Variants in MOB3B observed in about 807,000 individuals in gnomAD.
MOB3B encodes the protein MOB kinase activator 3B, also known as MOB kinase activator-like 2B.
MOB3B carries 7 observed loss-of-function variants against 18.7 expected under a neutral mutation model. The observed-to-expected ratio is 0.37, with a 90% CI of 0.21 to 0.70. MOB3B has a LOEUF of 0.70. Ranked by LOEUF, MOB3B falls within the 30% of genes least tolerant of loss-of-function variation. The pLI, the probability that MOB3B is intolerant of heterozygous loss-of-function variation, is 0.52. For synonymous variants in MOB3B, 111 were observed against 99.9 expected (o/e 1.11, Z -0.66); for missense variants, 253 against 281.3 (o/e 0.90, Z 0.72).
At chr9:27,365,275 T>G (rs986958195) in intron 2 of MOB3B, among the ~76,000 whole-genome samples, 3 of 151,660 alleles carry the variant, frequency 2.0e-5, no homozygotes, top group African/African-American at 7.3e-5. Flanking sequence ...AGAGAAAACT[T>G]TGCAATGAGG....
intron 2 of MOB3B, among the ~76,000 whole-genome samples, chr9:27,436,604 T>C (rs1822505861): frequency 6.6e-6 from 1 of 152,238 alleles, no homozygotes; most frequent in East Asian, 1.9e-4. Flanking sequence ...ATTAGACAAC[T>C]GCTTGCAGGC....
chr9:27,442,637 C>T (rs535792502), intron 2 of MOB3B, among the ~76,000 whole-genome samples: 1 of 152,184 alleles, frequency 6.6e-6, no homozygotes, highest in Non-Finnish European at 1.5e-5. Context: ...CCCCTCTTTG[C>T]CCCTGGCTCC....
At chr9:27,437,014 TG>T (rs1324213865) in intron 2 of MOB3B, among the ~76,000 whole-genome samples, 1 of 66,722 alleles carries the variant, frequency 1.5e-5, no homozygotes, top group Admixed American at 1.5e-4. Context: ...GACCTGGGGG[TG>T]GGGGGAGTGT....
chr9:27,470,114 G>GAAAAAAAAAAAAAAAAAAAAAAAAAA (rs751414011), intron 1 of MOB3B, among the ~76,000 whole-genome samples: 1 of 125,968 alleles, frequency 7.9e-6, no homozygotes, highest in Non-Finnish European at 1.6e-5. Flanking sequence ...TCTCTTAAAA[G>GAAAAAAAAAAAAAAAAAAAAAAAAAA]AAAAAAAAAA....
chr9:27,441,006 T>A (rs571451460), intron 2 of MOB3B, among the ~76,000 whole-genome samples: 2 of 152,198 alleles, frequency 1.3e-5, no homozygotes, highest in African/African-American at 4.8e-5. Flanking sequence ...GCAATCTAGA[T>A]CCCTCACATG....
intron 1 of MOB3B, among the ~76,000 whole-genome samples, chr9:27,513,159 G>T (rs1276382198): frequency 1.3e-5 from 2 of 152,100 alleles, no homozygotes; most frequent in African/African-American, 4.8e-5. Context: ...CATTATCAAT[G>T]GTACTTCTGG....
At chr9:27,466,822 C>A (rs1396643173) in intron 1 of MOB3B, among the ~76,000 whole-genome samples, 1 of 152,110 alleles carries the variant, frequency 6.6e-6, no homozygotes, top group Non-Finnish European at 1.5e-5. Context: ...CCCCTTGGGT[C>A]CGTCCTACAA....
intron 1 of MOB3B, among the ~76,000 whole-genome samples, chr9:27,522,373 T>G (rs1050630666): frequency 3.5e-4 from 52 of 149,182 alleles, no homozygotes; most frequent in Non-Finnish European, 1.0e-4. Context: ...TTCTTCCAGT[T>G]AGAGATAGTG....
At chr9:27,458,434 A>C (rs1189159620) in intron 1 of MOB3B, among the ~76,000 whole-genome samples, 1 of 152,116 alleles carries the variant, frequency 6.6e-6, no homozygotes, top group Admixed American at 6.5e-5. Context: ...GGCACTCGCA[A>C]ATATTTAAAT....
chr9:27,528,175 G>A (rs947366652), intron 1 of MOB3B, among the ~76,000 whole-genome samples: 1 of 152,198 alleles, frequency 6.6e-6, no homozygotes, highest in Admixed American at 6.5e-5. Context: ...AGGCTTCCTC[G>A]TTATTTGCAT....
chr9:27,487,290 A>T (rs1415625998), intron 1 of MOB3B, among the ~76,000 whole-genome samples: 1 of 152,148 alleles, frequency 6.6e-6, no homozygotes, highest in Non-Finnish European at 1.5e-5. Flanking sequence ...TGCAGATCAG[A>T]AGGCACATGT....
At chr9:27,406,584 T>C (rs1033962430) in intron 2 of MOB3B, among the ~76,000 whole-genome samples, 7 of 152,164 alleles carry the variant, frequency 4.6e-5, no homozygotes, top group Non-Finnish European at 1.0e-4. Context: ...AGTAAATTTA[T>C]GCATTTACAG....
chr9:27,434,554 A>C (rs1411757610), intron 2 of MOB3B, among the ~76,000 whole-genome samples: 1 of 151,882 alleles, frequency 6.6e-6, no homozygotes, highest in Non-Finnish European at 1.5e-5. Context: ...CTATATATCC[A>C]CCTGCTTGGT....
chr9:27,499,844 A>C (rs1819962120), intron 1 of MOB3B, among the ~76,000 whole-genome samples: 1 of 152,112 alleles, frequency 6.6e-6, no homozygotes, highest in Admixed American at 6.5e-5. Flanking sequence ...TATTGTTTGC[A>C]ACTTTCAGAA....
intron 3 of MOB3B, among the ~76,000 whole-genome samples, chr9:27,338,429 T>C (rs1820893001): frequency 6.6e-6 from 1 of 152,098 alleles, no homozygotes; most frequent in South Asian, 2.1e-4. Flanking sequence ...TGCTAAGAAT[T>C]TGCCCTGGCA....
At chr9:27,363,570 G>GTT (rs1160736478) in intron 2 of MOB3B, among the ~76,000 whole-genome samples, 3 of 144,266 alleles carry the variant, frequency 2.1e-5, no homozygotes, top group Non-Finnish European at 1.5e-5. Flanking sequence ...GCCCGGCTCA[G>GTT]TTTTTTTTTT....
intron 1 of MOB3B, among the ~76,000 whole-genome samples, chr9:27,469,911 C>T (rs1819444585): frequency 6.6e-6 from 1 of 151,920 alleles, no homozygotes; most frequent in African/African-American, 2.4e-5. Flanking sequence ...CAAAGCAACA[C>T]CTTCCCCCTC....
chr9:27,449,730 C>G (rs541700310), intron 2 of MOB3B, among the ~76,000 whole-genome samples: 68 of 152,280 alleles, frequency 4.5e-4, no homozygotes, highest in African/African-American at 1.5e-3. Flanking sequence ...AATCCCAGCA[C>G]TTTGGGAGGC....
intron 2 of MOB3B, among the ~76,000 whole-genome samples, chr9:27,400,050 T>G (rs1036242226): frequency 2.0e-5 from 3 of 152,188 alleles, no homozygotes; most frequent in African/African-American, 7.2e-5. Flanking sequence ...TACAGCTGCC[T>G]CCTGCCTGTC....
Sources: gnomAD v4.1 joint callset for allele counts (sites outside exome capture counted in the v4.1 genomes callset) on GRCh38, gnomAD v4.1.1 for gene constraint, MANE v1.5 for transcripts, NCBI Gene and HGNC (gene_info 2026-07-23, HGNC 2026-07-21) for gene names.